Variants in TRPC3 observed in about 807,000 individuals in gnomAD.
TRPC3 encodes short transient receptor potential channel 3.
TRPC3 carries 54 observed loss-of-function variants against 90.9 expected under a neutral mutation model. That is an observed-to-expected ratio of 0.59 (90% CI 0.48 to 0.75). TRPC3 has a LOEUF of 0.75. Ranked by LOEUF, TRPC3 falls within the 30% of genes least tolerant of loss-of-function variation. The pLI, the probability that TRPC3 is intolerant of heterozygous loss-of-function variation, is 0.00. For synonymous variants in TRPC3, 424 were observed against 450.9 expected (o/e 0.94, Z 0.75); for missense variants, 918 against 1,194.5 (o/e 0.77, Z 3.41).
At chr4:121,890,861 G>C (rs763683391) in intron 10 of TRPC3, among the ~76,000 whole-genome samples, 2 of 151,814 alleles carry the variant, frequency 1.3e-5, no homozygotes, top group Admixed American at 1.3e-4. Context: ...GTGTGGTGGC[G>C]GCACCTGTAG....
intron 9 of TRPC3, among the ~76,000 whole-genome samples, chr4:121,900,177 C>G (rs568063179): frequency 1.8e-4 from 28 of 152,296 alleles, no homozygotes; most frequent in Non-Finnish European, 3.5e-4. Context: ...GCATCTTGGC[C>G]TTATGCTAAG....
Position 121,951,547 on chromosome 4 carries a change from C to G in TRPC3, c.134G>C (p.Gly45Ala). 7.0e-7 allele frequency: 1 copy of G among 1,425,320 alleles called. No homozygotes were observed. The highest frequency in any genetic ancestry group is 9.2e-7 in the Non-Finnish European group (1 of 1,086,816). The allele number at this position is 1,425,320 out of a possible 1,614,324, so 88.3% of individuals were successfully genotyped here. ...RRRRGWRGVN[G>A]GLEPRSAPSQ... ...GGGCGCCGAGCGCGGCTCCAGCCCC[C>G]CGTTGACGCCCCTCCAGCCCCGGCG... is the stretch of plus-strand genomic sequence containing the variant. Residue 45 changes from glycine (G) to alanine (A), a missense_variant, in exon 1 of 12, where the codon GGG becomes GCG. By Grantham distance (60) the Gly-to-Ala change is moderately conservative (BLOSUM62 0). Transcript: ENST00000379645. The surrounding 1 kb of genome is among the most constrained non-coding windows in gnomAD (Gnocchi z 4.4).
chr4:121,947,183 CAAAAAAAAAA>C (rs11457162), intron 1 of TRPC3, among the ~76,000 whole-genome samples: 5 of 92,034 alleles, frequency 5.4e-5, no homozygotes, highest in Non-Finnish European at 8.4e-5. Context: ...GACTCTGTCT[CAAAAAAAAAA>C]AAAAAAAAAG....
intron 1 of TRPC3, among the ~76,000 whole-genome samples, chr4:121,936,756 C>T (rs1241144540): frequency 1.3e-5 from 2 of 152,100 alleles, no homozygotes; most frequent in Non-Finnish European, 1.5e-5. Flanking sequence ...AGGTGGCCAC[C>T]TACAAGGTAC....
chr4:121,925,040 G>T lies in TRPC3; in HGVS notation c.1154C>A (p.Ala385Asp). Residue 385 changes from alanine to aspartate, a missense_variant, in exon 3 of 12, where the codon GCC becomes GAC. By Grantham distance (126) the Ala-to-Asp change is moderately radical (BLOSUM62 -2). This residue lies in a region of TRPC3 where 609 missense variants were observed against 725.9 expected (regional missense o/e 0.84). Transcript: ENST00000379645. ...CACCTTTTTGACTTCATACTTAATGGCAAGTTTGACACGACTTAATGAAGC... is the reference window on the plus strand; with the variant it reads ...CACCTTTTTGACTTCATACTTAATGTCAAGTTTGACACGACTTAATGAAGC... Reference protein sequence around the residue: ...HKASLSRVKLAIKYEVKKFVA... With the variant: ...HKASLSRVKLDIKYEVKKFVA... The T allele has an allele frequency of 6.2e-7, 1 of 1,612,508 alleles. No individual in the cohort carries two copies. Among genetic ancestry groups the T allele is most frequent in the Non-Finnish European group, 8.5e-7 (1 of 1,179,436 alleles).
chr4:121,897,971 T>TA, intron 10 of TRPC3, among the ~76,000 whole-genome samples: 1 of 152,184 alleles, frequency 6.6e-6, no homozygotes, highest in East Asian at 1.9e-4. Flanking sequence ...AATTCAGCTA[T>TA]AAAAAAGATT....
chr4:121,878,405 C>A lies in TRPC3; in HGVS notation c.*1331G>T, dbSNP rs183573571. On this transcript the variant is annotated 3_prime_UTR_variant, in exon 12 of 12. Transcript: ENST00000379645. ...TTAAGGACCTCTGAAAATCTTTGAT[C>A]TATGATCACAATTCGTATTCCTATA... is the stretch of plus-strand genomic sequence containing the variant. 3.9e-5 allele frequency among the ~76,000 whole-genome samples: 6 copies of A among 152,210 alleles called. No homozygotes were observed. The East Asian group carries it at 1.2e-3, about 29-fold the overall frequency.
At chr4:121,938,920 T>C (rs1560717395) in intron 1 of TRPC3, among the ~76,000 whole-genome samples, 1 of 151,840 alleles carries the variant, frequency 6.6e-6, no homozygotes, top group Non-Finnish European at 1.5e-5. Context: ...GACTCGTCTG[T>C]ATGACTTTCA....
chr4:121,950,696 GA>G (rs1730692609), intron 1 of TRPC3: 1 of 152,264 alleles, frequency 6.6e-6, no homozygotes, highest in Non-Finnish European at 1.5e-5. Context: ...GAAAGAAAGA[GA>G]AAAAGAGAGC....
chr4:121,879,625 T>TAA lies in TRPC3; in HGVS notation c.*109_*110dup. On this transcript the variant is annotated 3_prime_UTR_variant, in exon 12 of 12. Coordinates refer to ENST00000379645, the MANE Select transcript of TRPC3 (RefSeq NM_001130698.2). ...AGCTAACTTTTAAAGGTTCACATGA[T>TAA]AAAGGTAGTTAATACTAAAAATTTA... 8.6e-7 allele frequency: 1 copy of TAA among 1,167,662 alleles called. No homozygotes were observed. The highest frequency in any genetic ancestry group is 1.2e-6 in the Non-Finnish European group (1 of 832,656). 72.3% of individuals were successfully genotyped at this position (1,167,662 alleles called of 1,614,324 possible). A position where few individuals can be genotyped will look rare whatever the true frequency, so the allele number is the denominator to read the frequency against.
At chr4:121,923,629 TAAAC>T (rs1729603291) in intron 3 of TRPC3, among the ~76,000 whole-genome samples, 1 of 152,220 alleles carries the variant, frequency 6.6e-6, no homozygotes, top group Admixed American at 6.5e-5. Context: ...ATGCAATCCT[TAAAC>T]AAATGAATAA....
chr4:121,904,659 T>C (rs1728820484), intron 7 of TRPC3, 142 bp from the exon 8 acceptor site: 3 of 516,754 alleles, frequency 5.8e-6, no homozygotes, highest in Non-Finnish European at 9.5e-6. Context: ...GATTACTTTG[T>C]TATGACATTT....
At chr4:121,894,443 C>G (rs1309135340) in intron 10 of TRPC3, among the ~76,000 whole-genome samples, 2 of 151,276 alleles carry the variant, frequency 1.3e-5, no homozygotes, top group South Asian at 2.1e-4. Flanking sequence ...TTAGACAGAT[C>G]ATTCAGACAG....
At chr4:121,950,233 T>C (rs1346032014) in intron 1 of TRPC3, among the ~76,000 whole-genome samples, 2 of 152,220 alleles carry the variant, frequency 1.3e-5, no homozygotes, top group African/African-American at 2.4e-5. Context: ...TCCTGTGTTC[T>C]ACCGGCAGGT....
intron 3 of TRPC3, among the ~76,000 whole-genome samples, chr4:121,920,954 T>C (rs1446928682): frequency 6.6e-6 from 1 of 152,244 alleles, no homozygotes; most frequent in Non-Finnish European, 1.5e-5. Flanking sequence ...AAATTATATG[T>C]GGCCAGATTA....
At chr4:121,933,231 C>G in intron 1 of TRPC3, 189 bp from the exon 2 acceptor site, 1 of 1,228,848 alleles carries the variant, frequency 8.1e-7, no homozygotes, top group Non-Finnish European at 1.0e-6. Context: ...ACCCTGGCTG[C>G]TAGATCCCAG....
chr4:121,915,421 A>T (rs1170219294), intron 3 of TRPC3, among the ~76,000 whole-genome samples: 1 of 152,246 alleles, frequency 6.6e-6, no homozygotes, highest in Non-Finnish European at 1.5e-5. Flanking sequence ...AAAAAAATGC[A>T]TAATGCACCC....
At chr4:121,881,058 T>C (rs1398541262) in intron 11 of TRPC3, among the ~76,000 whole-genome samples, 1 of 151,942 alleles carries the variant, frequency 6.6e-6, no homozygotes, top group African/African-American at 2.4e-5. Flanking sequence ...AAGGAGTGGA[T>C]TCTCACACCA....
chr4:121,922,410 C>T (rs940730345), intron 3 of TRPC3, among the ~76,000 whole-genome samples: 10 of 152,126 alleles, frequency 6.6e-5, no homozygotes, highest in African/African-American at 2.2e-4. Flanking sequence ...ATTAATACTC[C>T]TTTTATAGCA....
Sources: allele counts gnomAD v4.1 joint callset (sites outside exome capture counted in the v4.1 genomes callset), GRCh38; gene constraint gnomAD v4.1.1; regional missense constraint gnomAD v4.1.1; non-coding constraint Gnocchi (gnomAD v3.1); transcripts MANE v1.5; gene names NCBI Gene and HGNC (gene_info 2026-07-23, HGNC 2026-07-21).